Variants in ADARB2 observed in about 807,000 individuals in gnomAD.
The protein encoded by ADARB2 is inactive double-stranded RNA-specific editase B2.
Under a neutral mutation model 62.2 loss-of-function variants are expected in ADARB2, and 25 were observed. The ratio of observed to expected loss-of-function variants is 0.40; its 90% CI spans 0.29 to 0.56. ADARB2 has a LOEUF of 0.56. Among genes scored for constraint, ADARB2 ranks in the 20% least tolerant of loss-of-function variants. The pLI, the probability that ADARB2 is intolerant of heterozygous loss-of-function variation, is 0.43. For missense variants in ADARB2, 1,071 were observed against 1,077.4 expected, an observed-to-expected ratio of 0.99 and a Z score of 0.08; for synonymous variants, 572 against 500.8, an observed-to-expected ratio of 1.14 and a Z score of -1.90.
At chr10:1,502,597 C>T (rs67908334) in intron 1 of ADARB2, among the ~76,000 whole-genome samples, 20,477 of 152,218 alleles carry the variant, frequency 0.13, 1,740 homozygotes, top group East Asian at 0.32. Flanking sequence ...AACTGTCACC[C>T]GCTTGCAGGG....
chr10:1,463,001 C>A (rs533115876), intron 1 of ADARB2, among the ~76,000 whole-genome samples: 1 of 118,752 alleles, frequency 8.4e-6, no homozygotes, highest in Non-Finnish European at 1.6e-5. Context: ...AGGGAAAGTA[C>A]GTTTCTGGGG....
intron 5 of ADARB2, among the ~76,000 whole-genome samples, chr10:1,235,441 C>G (rs1259909618): frequency 2.7e-5 from 1 of 37,340 alleles, no homozygotes; most frequent in Non-Finnish European, 5.6e-5. Flanking sequence ...GCTGAACGAA[C>G]ATGCCTGCAT....
At chr10:1,385,451 A>C (rs1028103843) in intron 1 of ADARB2, among the ~76,000 whole-genome samples, 2 of 126,824 alleles carry the variant, frequency 1.6e-5, no homozygotes, top group Admixed American at 7.5e-5. Context: ...GAAACTATAT[A>C]AATAAAACAA....
intron 4 of ADARB2, among the ~76,000 whole-genome samples, chr10:1,243,947 C>A (rs1035446905): frequency 2.6e-5 from 4 of 152,238 alleles, no homozygotes; most frequent in African/African-American, 9.6e-5. Context: ...AGTGACCAGA[C>A]TTCCCCACGC....
intron 1 of ADARB2, chr10:1,535,599 T>C (rs1832321109): frequency 6.0e-6 from 1 of 167,498 alleles, no homozygotes; most frequent in Admixed American, 6.5e-5. Context: ...CAGACGGCAA[T>C]GTCGCTGATG....
chr10:1,243,003 T>C (rs1443312960), intron 4 of ADARB2, among the ~76,000 whole-genome samples: 1 of 152,260 alleles, frequency 6.6e-6, no homozygotes, highest in East Asian at 1.9e-4. Flanking sequence ...ATGTTTGCTG[T>C]GCTCTAACAG....
chr10:1,298,006 C>T (rs1831538381), intron 3 of ADARB2, among the ~76,000 whole-genome samples: 1 of 152,214 alleles, frequency 6.6e-6, no homozygotes, highest in Non-Finnish European at 1.5e-5. Context: ...TGGGTGTGCT[C>T]ACTTGCTGTA....
At chr10:1,377,135 G>A (rs1305722891) in intron 2 of ADARB2, among the ~76,000 whole-genome samples, 2 of 139,672 alleles carry the variant, frequency 1.4e-5, no homozygotes, top group African/African-American at 5.5e-5. Flanking sequence ...TGCGTCCCTG[G>A]GGTGTGTGTG....
At chr10:1,190,156 A>T (rs562375705) in intron 8 of ADARB2, among the ~76,000 whole-genome samples, 1 of 151,456 alleles carries the variant, frequency 6.6e-6, no homozygotes, top group African/African-American at 2.5e-5. Flanking sequence ...CTCAGAAAAC[A>T]TGAGCATCAG....
intron 1 of ADARB2, among the ~76,000 whole-genome samples, chr10:1,647,458 TATGTGTATATGTAC>T (rs1439538964): frequency 6.6e-6 from 1 of 151,834 alleles, no homozygotes; most frequent in Non-Finnish European, 1.5e-5. Flanking sequence ...TACATTTAAA[TATGTGTATATGTAC>T]GTGTGTATAC....
chr10:1,353,201 T>C (rs1479204550), intron 3 of ADARB2, among the ~76,000 whole-genome samples: 1 of 152,232 alleles, frequency 6.6e-6, no homozygotes, highest in Non-Finnish European at 1.5e-5. Flanking sequence ...TGATCTTTGC[T>C]GGCAGAAGAC....
intron 3 of ADARB2, among the ~76,000 whole-genome samples, chr10:1,296,718 G>A (rs376793632): frequency 6.6e-6 from 1 of 152,224 alleles, no homozygotes; most frequent in African/African-American, 2.4e-5. Flanking sequence ...ACAATCAAGT[G>A]TGGAAAGGAG....
chr10:1,243,478 A>G (rs1351159430), intron 4 of ADARB2, among the ~76,000 whole-genome samples: 3 of 151,660 alleles, frequency 2.0e-5, no homozygotes, highest in East Asian at 3.9e-4. Flanking sequence ...CTGGCTGGTC[A>G]TGAGCGCTTC....
intron 1 of ADARB2, among the ~76,000 whole-genome samples, chr10:1,527,276 G>C (rs1186497975): frequency 6.6e-6 from 1 of 152,178 alleles, no homozygotes; most frequent in African/African-American, 2.4e-5. Context: ...GACTCTGCTA[G>C]TATTTTAAAT....
chr10:1,457,973 C>T (rs878983606), intron 1 of ADARB2, among the ~76,000 whole-genome samples: 1 of 149,830 alleles, frequency 6.7e-6, no homozygotes, highest in Non-Finnish European at 1.5e-5. Context: ...AAGAACGTAA[C>T]CATTTGCCTC....
chr10:1,224,695 T>C lies in ADARB2; in HGVS notation c.1514-7576A>G, dbSNP rs537921289. On this transcript the variant is annotated intron_variant, in intron 6 of 9. Coordinates refer to ENST00000381312, the MANE Select transcript of ADARB2 (RefSeq NM_018702.4). ...CATTTCATTATGTACCCAGTAGTCA[T>C]TCAGGAGCAGGTTGTTCAGTTTCCA... 2.6e-5 allele frequency among the ~76,000 whole-genome samples: 4 copies of C among 152,368 alleles called. No individual in the cohort carries two copies. The East Asian group carries it at 7.7e-4, about 29-fold the overall frequency.
At chr10:1,295,841 G>C (rs1429638350) in intron 3 of ADARB2, among the ~76,000 whole-genome samples, 2 of 152,184 alleles carry the variant, frequency 1.3e-5, no homozygotes, top group African/African-American at 2.4e-5. Context: ...AGACCCTGTT[G>C]ATTCACAGAC....
chr10:1,327,265 T>C lies in ADARB2; in HGVS notation c.1077+35763A>G, dbSNP rs796787596. The stretch of plus-strand genomic sequence containing the variant: ...CACCTCCTCACTGCCCAGCGCCTCC[T>C]CACTGCACAGCGCCTCCTCACTGCC... On this transcript the variant is annotated intron_variant, in intron 3 of 9. Transcript: ENST00000381312. 3.4e-3 allele frequency among the ~76,000 whole-genome samples: 194 copies of C among 56,476 alleles called. 5 individuals carry two copies. The highest frequency in any genetic ancestry group is 9.7e-3 in the African/African-American group (146 of 14,996). The allele number at this position is 56,476 out of a possible 152,430, so 37.1% of individuals were successfully genotyped here.
chr10:1,469,708 C>T (rs1831297724), intron 1 of ADARB2, among the ~76,000 whole-genome samples: 1 of 152,136 alleles, frequency 6.6e-6, no homozygotes, highest in South Asian at 2.1e-4. Flanking sequence ...TAAGAGGAGC[C>T]AGTAACACCT....
Sources: allele counts gnomAD v4.1 joint callset (sites outside exome capture counted in the v4.1 genomes callset), GRCh38; gene constraint gnomAD v4.1.1; transcripts MANE v1.5; gene names NCBI Gene and HGNC (gene_info 2026-07-23, HGNC 2026-07-21).